CCDC102B: variants seen among roughly 807,000 people sequenced by gnomAD.
CCDC102B encodes coiled-coil domain-containing protein 102B.
CCDC102B carries 75 observed loss-of-function variants against 57.4 expected under a neutral mutation model. The observed-to-expected ratio is 1.31, with a 90% CI of 1.08 to 1.58. The LOEUF (loss-of-function observed/expected upper bound fraction) is 1.58. Ranked by LOEUF, CCDC102B falls within the 40% of genes most tolerant of loss-of-function variation. The pLI is 0.00. For missense variants in CCDC102B, 636 were observed against 582.6 expected (o/e 1.09, Z -0.94); for synonymous variants, 206 against 201.9 (o/e 1.02, Z -0.17).
chr18:68,869,161 G>A (rs930265165), intron 4 of CCDC102B, among the ~76,000 whole-genome samples: 1 of 152,134 alleles, frequency 6.6e-6, no homozygotes, highest in Non-Finnish European at 1.5e-5. Flanking sequence ...GAAGTGTTTG[G>A]TAGGATTTTG....
chr18:69,052,652 T>C (rs2052737242), intron 7 of CCDC102B, among the ~76,000 whole-genome samples: 1 of 151,908 alleles, frequency 6.6e-6, no homozygotes, highest in South Asian at 2.1e-4. Context: ...ATTATAATCT[T>C]ATGGGACCAC....
At chr18:68,962,358 GTGACTC>G (rs1241320396) in intron 6 of CCDC102B, among the ~76,000 whole-genome samples, 2 of 152,114 alleles carry the variant, frequency 1.3e-5, no homozygotes, top group East Asian at 3.9e-4. Flanking sequence ...ATGCCCTTGG[GTGACTC>G]TGACGTGTCA....
intron 2 of CCDC102B, among the ~76,000 whole-genome samples, chr18:68,724,374 C>G (rs1475559172): frequency 6.6e-6 from 1 of 152,182 alleles, no homozygotes; most frequent in African/African-American, 2.4e-5. Context: ...GTACTTCTCC[C>G]CAGAAAATGG....
intron 6 of CCDC102B, among the ~76,000 whole-genome samples, chr18:68,982,123 G>C (rs943324387): frequency 1.3e-5 from 2 of 151,818 alleles, no homozygotes; most frequent in Non-Finnish European, 2.9e-5. Context: ...GTCTGTCAAA[G>C]TCAATTGTTC....
chr18:69,052,203 T>C (rs2052724055), intron 7 of CCDC102B, among the ~76,000 whole-genome samples: 1 of 151,778 alleles, frequency 6.6e-6, no homozygotes, highest in Non-Finnish European at 1.5e-5. Context: ...TGAATAAACA[T>C]ACATGAGAAA....
intron 2 of CCDC102B, among the ~76,000 whole-genome samples, chr18:68,732,663 A>G (rs1568222159): frequency 6.6e-6 from 1 of 152,140 alleles, no homozygotes; most frequent in Non-Finnish European, 1.5e-5. Context: ...AAGGCTTTCT[A>G]CAGAAATGTC....
At chr18:68,898,880 T>A (rs568765185) in intron 6 of CCDC102B, among the ~76,000 whole-genome samples, 1,788 of 152,228 alleles carry the variant, frequency 0.012, 36 homozygotes, top group East Asian at 0.081. Flanking sequence ...TCAAAATGTA[T>A]TAATATAAAG....
chr18:68,763,963 C>G (rs924981311), intron 2 of CCDC102B, among the ~76,000 whole-genome samples: 2 of 152,034 alleles, frequency 1.3e-5, no homozygotes, highest in African/African-American at 4.8e-5. Context: ...ATCATCGTTG[C>G]TTTCTATTCT....
intron 6 of CCDC102B, among the ~76,000 whole-genome samples, chr18:68,973,488 A>T (rs910032601): frequency 1.3e-5 from 2 of 152,150 alleles, no homozygotes; most frequent in Non-Finnish European, 1.5e-5. Flanking sequence ...TAAGAAATGA[A>T]TAATAAATAC....
chr18:68,773,691 C>T (rs2034717152), intron 2 of CCDC102B, among the ~76,000 whole-genome samples: 1 of 151,850 alleles, frequency 6.6e-6, no homozygotes, highest in Non-Finnish European at 1.5e-5. Flanking sequence ...TACTTATTGG[C>T]TATCATTAAG....
chr18:68,883,074 T>A (rs539151126), intron 5 of CCDC102B, among the ~76,000 whole-genome samples: 1 of 152,234 alleles, frequency 6.6e-6, no homozygotes, highest in African/African-American at 2.4e-5. Flanking sequence ...CAAACCCCCA[T>A]GACACATGTT....
intron 2 of CCDC102B, among the ~76,000 whole-genome samples, chr18:68,741,601 T>C (rs1269093116): frequency 6.6e-6 from 1 of 151,954 alleles, no homozygotes; most frequent in African/African-American, 2.4e-5. Context: ...ATGCCTTCCA[T>C]ATTTGGTTAT....
chr18:68,765,818 G>C (rs756604466), intron 2 of CCDC102B, among the ~76,000 whole-genome samples: 1 of 152,040 alleles, frequency 6.6e-6, no homozygotes, highest in Non-Finnish European at 1.5e-5. Flanking sequence ...TTATTCTGAT[G>C]TAACTCATAC....
intron 1 of CCDC102B, among the ~76,000 whole-genome samples, chr18:68,822,437 A>T (rs938339136): frequency 4.3e-4 from 65 of 152,114 alleles, no homozygotes; most frequent in African/African-American, 1.5e-3. Context: ...AGAAACAAAT[A>T]AATGTTTAAC....
intron 6 of CCDC102B, among the ~76,000 whole-genome samples, chr18:68,980,374 GTCACTATTC>G (rs1006532210): frequency 7.1e-6 from 1 of 141,368 alleles, no homozygotes; most frequent in African/African-American, 2.7e-5. Flanking sequence ...GATATGTCCT[GTCACTATTC>G]TAGGTCTTGG....
At chr18:69,020,536 T>C (rs139063828) in intron 7 of CCDC102B, among the ~76,000 whole-genome samples, 22 of 152,218 alleles carry the variant, frequency 1.4e-4, no homozygotes, top group Admixed American at 3.3e-4. Context: ...GCAGTTGTTG[T>C]GGGTGGGTAT....
rs1162734448 is a variant in CCDC102B at position 69,011,124 on chromosome 18, C to A, written c.1434+20C>A. ...GATGAGGTACTACTTTATGAGTGAA[C>A]ACGTGCTGGACAGCTTCTAAATAGT... On this transcript the variant is annotated intron_variant, in intron 7 of 7. Coordinates refer to ENST00000360242, the MANE Select transcript of CCDC102B (RefSeq NM_024781.3). 1.2e-6 allele frequency: 2 copies of A among 1,605,458 alleles called. No individual in the cohort carries two copies. Among genetic ancestry groups the A allele is most frequent in the Non-Finnish European group, 1.7e-6 (2 of 1,175,350 alleles).
At chr18:68,743,965 T>G (rs942956491) in intron 2 of CCDC102B, among the ~76,000 whole-genome samples, 3 of 152,224 alleles carry the variant, frequency 2.0e-5, no homozygotes, top group Non-Finnish European at 4.4e-5. Flanking sequence ...ACATTTTTAT[T>G]TTGGATTTAA....
At chr18:68,974,501 C>G (rs947913390) in intron 6 of CCDC102B, among the ~76,000 whole-genome samples, 1 of 151,748 alleles carries the variant, frequency 6.6e-6, no homozygotes, top group Non-Finnish European at 1.5e-5. Flanking sequence ...ACCTTTTTTT[C>G]TATGGCATTT....
Sources: gnomAD v4.1 joint callset for allele counts (sites outside exome capture counted in the v4.1 genomes callset) on GRCh38, gnomAD v4.1.1 for gene constraint, MANE v1.5 for transcripts, NCBI Gene and HGNC (gene_info 2026-07-23, HGNC 2026-07-21) for gene names.